The following CELF4 variants were observed in gnomAD, a reference collection of about 807,000 sequenced individuals.
CELF4 encodes CUG-BP- and ETR-3-like factor 4.
In CELF4, 18 loss-of-function variants were observed where a neutral mutation model predicts 59.9. The observed-to-expected ratio is 0.30, with a 90% CI of 0.21 to 0.45. The LOEUF is 0.45. Ranked by LOEUF, CELF4 falls within the 20% of genes least tolerant of loss-of-function variation. The probability of loss-of-function intolerance (pLI) is 1.00; values close to 1 mark genes in which losing one functional copy is unlikely to be tolerated. For synonymous variants in CELF4, 261 were observed against 267.1 expected (o/e 0.98, Z 0.22); for missense variants, 456 against 689.0 (o/e 0.66, Z 3.79).
intron 2 of CELF4, among the ~76,000 whole-genome samples, chr18:37,424,270 A>G (rs2099598521): frequency 6.6e-6 from 1 of 152,112 alleles, no homozygotes; most frequent in South Asian, 2.1e-4. Flanking sequence ...CCTGAATGAC[A>G]AGATCTCTAT....
At chr18:37,537,907 G>T (rs1444224905) in intron 1 of CELF4, among the ~76,000 whole-genome samples, 1 of 152,190 alleles carries the variant, frequency 6.6e-6, no homozygotes, top group African/African-American at 2.4e-5. Context: ...GTGACTCCCC[G>T]ACCTGGTGTC....
At chr18:37,529,967 C>T (rs999027303) in intron 1 of CELF4, among the ~76,000 whole-genome samples, 1 of 152,136 alleles carries the variant, frequency 6.6e-6, no homozygotes, top group Non-Finnish European at 1.5e-5. Flanking sequence ...CACAAAACCA[C>T]CTCCACTCAC....
At chr18:37,486,781 A>G (rs928970160) in intron 1 of CELF4, among the ~76,000 whole-genome samples, 3 of 152,184 alleles carry the variant, frequency 2.0e-5, no homozygotes, top group African/African-American at 7.2e-5. Flanking sequence ...ATCCAAGGCC[A>G]CATCCCCAAC....
intron 3 of CELF4, among the ~76,000 whole-genome samples, chr18:37,296,538 C>T (rs1449772272): frequency 6.6e-6 from 1 of 152,132 alleles, no homozygotes; most frequent in Non-Finnish European, 1.5e-5. Context: ...ATTTATTGCC[C>T]AAACCAGGAC....
At chr18:37,483,038 G>T (rs2099872662) in intron 2 of CELF4, among the ~76,000 whole-genome samples, 1 of 152,220 alleles carries the variant, frequency 6.6e-6, no homozygotes, top group Non-Finnish European at 1.5e-5. Context: ...CCCCAGACAA[G>T]AAGAAGTCCC....
chr18:37,337,517 C>T (rs147795911), intron 2 of CELF4, among the ~76,000 whole-genome samples: 1,750 of 152,214 alleles, frequency 0.011, 14 homozygotes, highest in Middle Eastern at 0.044. Flanking sequence ...TTCATTCATT[C>T]CCTCCCTCAT....
chr18:37,421,197 C>G (rs1325846170), intron 2 of CELF4, among the ~76,000 whole-genome samples: 2 of 152,240 alleles, frequency 1.3e-5, no homozygotes, highest in Non-Finnish European at 2.9e-5. Flanking sequence ...ACCCCACTCT[C>G]TCAGTCTGTT....
chr18:37,368,647 C>G (rs181969413), intron 2 of CELF4, among the ~76,000 whole-genome samples: 114 of 152,344 alleles, frequency 7.5e-4, no homozygotes, highest in African/African-American at 2.5e-3. Context: ...TTTCAGCCAG[C>G]AAAGTCATTT....
At chr18:37,481,068 C>T (rs757964329) in intron 2 of CELF4, among the ~76,000 whole-genome samples, 8 of 152,054 alleles carry the variant, frequency 5.3e-5, no homozygotes, top group African/African-American at 9.7e-5. Flanking sequence ...GTCGCGGTGA[C>T]CTGAGTCAGG....
chr18:37,365,588 C>T (rs904270603), intron 2 of CELF4, among the ~76,000 whole-genome samples: 45 of 146,386 alleles, frequency 3.1e-4, no homozygotes, highest in African/African-American at 1.1e-3. Context: ...TGGGTTCAAG[C>T]GATTCTCCTG....
At chr18:37,420,247 C>A (rs1438376394) in intron 2 of CELF4, among the ~76,000 whole-genome samples, 4 of 152,180 alleles carry the variant, frequency 2.6e-5, no homozygotes, top group Non-Finnish European at 5.9e-5. Flanking sequence ...GACCCTGCAG[C>A]CAGAACCTGG....
At chr18:37,454,901 G>A (rs768555276) in intron 2 of CELF4, among the ~76,000 whole-genome samples, 11 of 152,192 alleles carry the variant, frequency 7.2e-5, no homozygotes, top group Non-Finnish European at 1.5e-4. Context: ...TTAACTTACA[G>A]CCCTTTCCTC....
intron 1 of CELF4, chr18:37,485,973 C>T (rs1349599853): frequency 5.8e-6 from 1 of 172,988 alleles, no homozygotes; most frequent in Non-Finnish European, 1.2e-5. Context: ...GCAGCTTCCA[C>T]CCCTCACCCC....
At chr18:37,484,126 C>T (rs2099876118) in intron 2 of CELF4, among the ~76,000 whole-genome samples, 1 of 152,150 alleles carries the variant, frequency 6.6e-6, no homozygotes, top group Non-Finnish European at 1.5e-5. Context: ...TGAAGGGCCT[C>T]CCATAACAAT....
intron 2 of CELF4, among the ~76,000 whole-genome samples, chr18:37,483,916 C>T (rs901145841): frequency 6.6e-6 from 1 of 152,198 alleles, no homozygotes; most frequent in African/African-American, 2.4e-5. Context: ...TTTAGCTATT[C>T]TATTATATGT....
intron 3 of CELF4, among the ~76,000 whole-genome samples, chr18:37,310,234 G>A (rs558084768): frequency 6.6e-6 from 1 of 152,274 alleles, no homozygotes; most frequent in Non-Finnish European, 1.5e-5. Context: ...ACTGTGAGAA[G>A]GGGATGGAAC....
intron 1 of CELF4, among the ~76,000 whole-genome samples, chr18:37,552,508 G>C (rs972784567): frequency 7.9e-5 from 12 of 152,346 alleles, no homozygotes; most frequent in Admixed American, 2.0e-4. Flanking sequence ...GCCCCAGCAG[G>C]CTCCTCCTCC....
intron 2 of CELF4, among the ~76,000 whole-genome samples, chr18:37,431,835 G>A (rs2099668663): frequency 6.6e-6 from 1 of 152,222 alleles, no homozygotes; most frequent in Non-Finnish European, 1.5e-5. Context: ...GGCCGTCTGG[G>A]CAGGTACCAG....
intron 2 of CELF4, among the ~76,000 whole-genome samples, chr18:37,458,883 T>G (rs1161966109): frequency 1.3e-5 from 2 of 152,240 alleles, no homozygotes; most frequent in Non-Finnish European, 2.9e-5. Flanking sequence ...CTTCGCTGGT[T>G]TTAGAACCAG....
Sources: gnomAD v4.1 joint callset for allele counts (sites outside exome capture counted in the v4.1 genomes callset) on GRCh38, gnomAD v4.1.1 for gene constraint, MANE v1.5 for transcripts, NCBI Gene and HGNC (gene_info 2026-07-23, HGNC 2026-07-21) for gene names.